Variants in M1AP observed in about 807,000 individuals in gnomAD.
The protein encoded by M1AP is meiosis 1 associated protein.
A neutral mutation model predicts 51.2 loss-of-function variants in M1AP; 39 were observed. That is an observed-to-expected ratio of 0.76 (90% CI 0.59 to 1.00). The LOEUF is 1.00. M1AP is among the 50% of genes least tolerant of loss of function. The pLI is 0.00. For synonymous variants in M1AP, 251 were observed against 249.2 expected, an observed-to-expected ratio of 1.01 and a Z score of -0.07; for missense variants, 545 against 641.2, an observed-to-expected ratio of 0.85 and a Z score of 1.62.
chr2:74,561,062 G>GGGAGGA lies in M1AP; in HGVS notation c.1282-777_1282-772dup, dbSNP rs1208357090. Among the ~76,000 whole-genome samples the GGGAGGA allele has an allele frequency of 1.4e-3, 80 of 56,816 alleles. 1 individual carries two copies. Among genetic ancestry groups the GGGAGGA allele is most frequent in the African/African-American group, 5.6e-3 (70 of 12,396 alleles). 37.3% of individuals were successfully genotyped at this position (56,816 alleles called of 152,430 possible). A position where few individuals can be genotyped will look rare whatever the true frequency, so the allele number is the denominator to read the frequency against. On this transcript the variant is annotated intron_variant, in intron 8 of 10. Transcript: ENST00000421985. Reference sequence around the variant, plus strand: ...GGAGGAGAAACAGGTGGAGGAGGAGGGGAGGAGGAGGAGGAGGAGGAGGAG... The same window carrying GGGAGGA: ...GGAGGAGAAACAGGTGGAGGAGGAGGGGAGGAGGAGGAGGAGGAGGAGGAGGAGGAG...
intron 4 of M1AP, among the ~76,000 whole-genome samples, chr2:74,593,152 T>C (rs964785479): frequency 3.3e-5 from 5 of 152,256 alleles, no homozygotes; most frequent in Middle Eastern, 3.4e-3. Flanking sequence ...AGGTGAGATT[T>C]AATCAGAAGA....
chr2:74,575,805 G>C (rs1679029911), intron 6 of M1AP, among the ~76,000 whole-genome samples: 1 of 152,270 alleles, frequency 6.6e-6, no homozygotes, highest in African/African-American at 2.4e-5. Flanking sequence ...GAACTGGGAA[G>C]AGTTGAAGCA....
At chr2:74,562,464 C>T (rs372490474) in intron 7 of M1AP, 41 bp from the exon 8 acceptor site, 2 of 1,608,658 alleles carry the variant, frequency 1.2e-6, no homozygotes, top group African/African-American at 2.7e-5. Context: ...CATCTTTAGT[C>T]TATGGCATGG....
intron 4 of M1AP, among the ~76,000 whole-genome samples, chr2:74,606,650 T>TGTGATTGGGGA (rs1315970663): frequency 6.6e-6 from 1 of 151,984 alleles, no homozygotes; most frequent in Non-Finnish European, 1.5e-5. Flanking sequence ...CCCAATCCCT[T>TGTGATTGGGGA]CAAAGTGATT....
intron 2 of M1AP, among the ~76,000 whole-genome samples, chr2:74,621,987 G>A (rs1476376870): frequency 1.3e-5 from 2 of 149,796 alleles, no homozygotes; most frequent in Non-Finnish European, 3.0e-5. Context: ...GGGTGTGGTG[G>A]TGCACACCTG....
At chr2:74,632,300 C>CAAGG (rs1682750036) in intron 2 of M1AP, among the ~76,000 whole-genome samples, 1 of 152,172 alleles carries the variant, frequency 6.6e-6, no homozygotes, top group African/African-American at 2.4e-5. Flanking sequence ...GAGTTGCAGT[C>CAAGG]AAGGATTCAG....
intron 6 of M1AP, among the ~76,000 whole-genome samples, chr2:74,575,955 C>T (rs773839461): frequency 5.3e-5 from 8 of 152,256 alleles, no homozygotes; most frequent in East Asian, 1.9e-4. Flanking sequence ...TGGGCTCAAG[C>T]GATCCTCCTG....
chr2:74,627,236 T>C (rs531622629), intron 2 of M1AP, among the ~76,000 whole-genome samples: 2 of 152,262 alleles, frequency 1.3e-5, no homozygotes, highest in South Asian at 4.1e-4. Flanking sequence ...ATATTTATTG[T>C]TCATTTCATT....
chr2:74,575,259 AG>A (rs1231121499), intron 7 of M1AP, 178 bp downstream of exon 7: 10 of 977,092 alleles, frequency 1.0e-5, no homozygotes, highest in Non-Finnish European at 1.2e-5. Flanking sequence ...TATTCTCTAT[AG>A]CATGAAACCA....
intron 8 of M1AP, among the ~76,000 whole-genome samples, chr2:74,561,264 GAA>G (rs1677989930): frequency 6.7e-6 from 1 of 148,180 alleles, no homozygotes; most frequent in Non-Finnish European, 1.5e-5. Flanking sequence ...AGGAGGAGAA[GAA>G]GAAAAAGAAG....
intron 2 of M1AP, chr2:74,615,679 A>G (rs1681625374): frequency 6.5e-6 from 1 of 154,076 alleles, no homozygotes; most frequent in South Asian, 2.0e-4. Flanking sequence ...GTCTGCAGTC[A>G]GCTTAAGGAG....
At chr2:74,575,256 T>C in intron 7 of M1AP, 182 bp downstream of exon 7, 1 of 975,366 alleles carries the variant, frequency 1.0e-6, no homozygotes, top group Non-Finnish European at 1.2e-6. Flanking sequence ...AATTATTCTC[T>C]ATAGCATGAA....
chr2:74,586,489 C>T (rs363674), intron 4 of M1AP, among the ~76,000 whole-genome samples: 9,774 of 152,262 alleles, frequency 0.064, 579 homozygotes, highest in East Asian at 0.33. Flanking sequence ...TGGCCTGCAC[C>T]TCTTCCAGAA....
intron 4 of M1AP, among the ~76,000 whole-genome samples, chr2:74,599,366 A>G (rs1680539230): frequency 6.6e-6 from 1 of 151,254 alleles, no homozygotes; most frequent in Admixed American, 6.6e-5. Flanking sequence ...ATTTTCTCCT[A>G]TGCTTTTTTT....
intron 1 of M1AP, chr2:74,647,585 C>G (rs914612507): frequency 5.0e-6 from 1 of 198,502 alleles, no homozygotes; most frequent in Non-Finnish European, 9.0e-6. Context: ...CATGGGTTCA[C>G]TTTAAACGAA....
intron 4 of M1AP, among the ~76,000 whole-genome samples, chr2:74,602,016 T>C (rs1015575311): frequency 5.9e-5 from 9 of 152,214 alleles, no homozygotes; most frequent in East Asian, 3.8e-4. Context: ...AAGTGGACTA[T>C]AGATAATTTG....
rs139807536 is a variant in M1AP, at chr2:74,618,711, A to G, written c.241-3562T>C. On this transcript the variant is annotated intron_variant, in intron 2 of 10. Transcript: ENST00000421985. The stretch of plus-strand genomic sequence containing the variant: ...ACAGATTAGTGTCTTTTCAAAAACC[A>G]ATTCTTAGAAACTTCTATATCCCGA... 15 of 210,924 alleles carry G rather than the reference A, an allele frequency of 7.1e-5. No homozygotes were observed. The East Asian group carries it at 1.9e-3, about 26-fold the overall frequency. The allele number at this position is 210,924 out of a possible 1,614,324, so 13.1% of individuals were successfully genotyped here. A position where few individuals can be genotyped will look rare whatever the true frequency, so the allele number is the denominator to read the frequency against.
At chr2:74,630,675 T>C (rs776672130) in intron 2 of M1AP, among the ~76,000 whole-genome samples, 6 of 152,186 alleles carry the variant, frequency 3.9e-5, no homozygotes, top group Admixed American at 2.6e-4. Flanking sequence ...TTCCTTTTTA[T>C]GGCTGCATAG....
chr2:74,590,762 A>G (rs999546153), intron 4 of M1AP, among the ~76,000 whole-genome samples: 5 of 152,104 alleles, frequency 3.3e-5, no homozygotes, highest in African/African-American at 1.2e-4. Context: ...TCTGCCCTAG[A>G]CAGTCCAGAG....
Sources: allele counts gnomAD v4.1 joint callset (sites outside exome capture counted in the v4.1 genomes callset), GRCh38; gene constraint gnomAD v4.1.1; transcripts MANE v1.5; gene names NCBI Gene and HGNC (gene_info 2026-07-23, HGNC 2026-07-21).